IL1RN: variants seen among roughly 807,000 people sequenced by gnomAD.
The protein encoded by IL1RN is interleukin 1 receptor antagonist, also known as interleukin-1 receptor antagonist protein.
Under a neutral mutation model 13.7 loss-of-function variants are expected in IL1RN, and 10 were observed. The observed-to-expected ratio is 0.73, with a 90% CI of 0.45 to 1.24. The LOEUF (loss-of-function observed/expected upper bound fraction) is 1.24. Ranked by LOEUF, IL1RN falls within the 50% of genes most tolerant of loss-of-function variation. The pLI, the probability that IL1RN is intolerant of heterozygous loss-of-function variation, is 0.00. For missense variants in IL1RN, 213 were observed against 222.1 expected (o/e 0.96, Z 0.26); for synonymous variants, 102 against 82.7 (o/e 1.23, Z -1.27).
At chr2:113,105,786 A>G (rs1285921144), upstream of IL1RN, among the ~76,000 whole-genome samples, 1 of 152,198 alleles carries the variant, frequency 6.6e-6, no homozygotes, top group Non-Finnish European at 1.5e-5. Context: ...CATTGAGGTT[A>G]CCTCTAATGT....
At position 113,133,202 on chromosome 2, in the gene IL1RN, C is replaced by T; in HGVS notation, c.*331C>T. ...CTCTTGCCACTGCCTCTTCCTCCCT[C>T]ATTCCACCTTCCCATGCCCTGGATC... On this transcript the variant is annotated 3_prime_UTR_variant, in exon 4 of 4. Transcript: ENST00000409930. 1 of 422,286 alleles carries T rather than the reference C, an allele frequency of 2.4e-6. No homozygotes were observed. The highest frequency in any genetic ancestry group is 2.1e-5 in the South Asian group (1 of 47,392). 26.2% of individuals were successfully genotyped at this position (422,286 alleles called of 1,614,324 possible).
chr2:113,100,453 A>G, the IL1RN span, among the ~76,000 whole-genome samples: 1 of 152,146 alleles, frequency 6.6e-6, no homozygotes, highest in Non-Finnish European at 1.5e-5. Context: ...CAAGGGGAGG[A>G]CAGGAGTCTG....
chr2:113,132,739 C>G lies in IL1RN; in HGVS notation c.402C>G (p.Thr134=). 6.2e-7 allele frequency: 1 copy of G among 1,614,262 alleles called. No individual in the cohort carries two copies. The highest frequency in any genetic ancestry group is 8.5e-7 in the Non-Finnish European group (1 of 1,180,044). The change falls in exon 4 of 4, where the codon ACC becomes ACG. Residue 134 remains threonine, a synonymous_variant. Transcript: ENST00000409930. ...TCCGCTCAGACAGTGGCCCCACCAC[C>G]AGTTTTGAGTCTGCCGCCTGCCCCG... The part of the protein sequence containing the change: ...AFIRSDSGPT[T]SFESAACPGW...
rs1687148428 is a variant in IL1RN, at chr2:113,131,026, C to T, written c.206-19C>T. On this transcript the variant is annotated intron_variant, in intron 2 of 3. Coordinates refer to ENST00000409930, the MANE Select transcript of IL1RN (RefSeq NM_173842.3). ...CTTCCTCTTCTATTAACCTGACCCTCCCCTCTGTTCTTCCCCAGAAAAGAT... is the reference window on the plus strand; with the variant it reads ...CTTCCTCTTCTATTAACCTGACCCTTCCCTCTGTTCTTCCCCAGAAAAGAT... 2.7e-6 allele frequency: 4 copies of T among 1,458,122 alleles called. No homozygotes were observed. The highest frequency in any genetic ancestry group is 3.9e-6 in the Non-Finnish European group (4 of 1,037,490). 90.3% of individuals were successfully genotyped at this position (1,458,122 alleles called of 1,614,324 possible). A position where few individuals can be genotyped will look rare whatever the true frequency, so the allele number is the denominator to read the frequency against.
In IL1RN at chr2:113,127,608, C is replaced by A; in HGVS notation, c.-17C>A. On this transcript the variant is annotated 5_prime_UTR_variant, in exon 1 of 4. Transcript: ENST00000409930. The stretch of plus-strand genomic sequence containing the variant: ...TGGGCCCGCAATGGCAGTCCACTGC[C>A]TTGCTGCAGTCACAGAATGGAAATC... The A allele has an allele frequency of 1.2e-6, 2 of 1,613,604 alleles. No individual in the cohort carries two copies. Among genetic ancestry groups the A allele is most frequent in the Non-Finnish European group, 1.7e-6 (2 of 1,179,828 alleles).
chr2:113,121,602 C>A, intron 2 of IL1RN: 1 of 985,416 alleles, frequency 1.0e-6, no homozygotes, highest in South Asian at 4.7e-5. Context: ...GGCTCTGAAC[C>A]TCAGAAAGGA....
At chr2:113,122,195 C>T (rs1224851473) in intron 2 of IL1RN, among the ~76,000 whole-genome samples, 3 of 152,184 alleles carry the variant, frequency 2.0e-5, no homozygotes, top group Non-Finnish European at 4.4e-5. Context: ...TTGCGTGACA[C>T]AAATGCAGTT....
In IL1RN at chr2:113,132,257, G is replaced by C. The variant is rs531857439; in HGVS notation, c.319-399G>C. ...AGGTCAGGAGTTTGAGACCAGCCTG[G>C]CCAACATGGTGAAACCCTGTCTCTA... On this transcript the variant is annotated intron_variant, in intron 3 of 3. Coordinates refer to ENST00000409930, the MANE Select transcript of IL1RN (RefSeq NM_173842.3). Among the ~76,000 whole-genome samples, 6 of 152,326 alleles carry C rather than the reference G, an allele frequency of 3.9e-5. No individual in the cohort carries two copies. The South Asian group carries it at 1.2e-3, about 32-fold the overall frequency.
chr2:113,099,837 C>T, the IL1RN span, among the ~76,000 whole-genome samples: 5 of 145,508 alleles, frequency 3.4e-5, no homozygotes, highest in Non-Finnish European at 7.6e-5. Flanking sequence ...CGGGTTCACG[C>T]CCTTCTCCTG....
upstream of IL1RN, among the ~76,000 whole-genome samples, chr2:113,113,673 A>C (rs577840145): frequency 6.6e-6 from 1 of 152,328 alleles, no homozygotes; most frequent in African/African-American, 2.4e-5. Context: ...TGATGGTTTC[A>C]TGAGAGTATA....
upstream of IL1RN, among the ~76,000 whole-genome samples, chr2:113,126,882 A>G (rs376142362): frequency 2.4e-4 from 36 of 152,242 alleles, no homozygotes; most frequent in South Asian, 2.1e-4. Flanking sequence ...TCCCGAGACC[A>G]TAACTTTAAA....
upstream of IL1RN, among the ~76,000 whole-genome samples, chr2:113,122,904 T>C (rs1183173705): frequency 6.6e-6 from 1 of 152,174 alleles, no homozygotes; most frequent in Non-Finnish European, 1.5e-5. Flanking sequence ...GATGGGTGGA[T>C]CACCTGAGGT....
the IL1RN span, among the ~76,000 whole-genome samples, chr2:113,100,206 G>A: frequency 6.6e-6 from 1 of 151,286 alleles, no homozygotes; most frequent in East Asian, 2.0e-4. Context: ...GGCGCCTGTA[G>A]TGCCAGCTAC....
At chr2:113,106,594 T>G (rs1686391030), upstream of IL1RN, among the ~76,000 whole-genome samples, 1 of 152,084 alleles carries the variant, frequency 6.6e-6, no homozygotes, top group Non-Finnish European at 1.5e-5. Flanking sequence ...TATAAATAAC[T>G]TAATGTGGCC....
chr2:113,123,459 A>G (rs1440134189), upstream of IL1RN, among the ~76,000 whole-genome samples: 3 of 152,152 alleles, frequency 2.0e-5, no homozygotes, highest in Admixed American at 1.3e-4. Flanking sequence ...TCCCCACCCA[A>G]TTTGGAAATC....
chr2:113,103,362 TAGAA>T (rs552363196), upstream of IL1RN, among the ~76,000 whole-genome samples: 125 of 151,836 alleles, frequency 8.2e-4, 1 homozygote, highest in Non-Finnish European at 1.4e-3. Context: ...GATCTCAAGA[TAGAA>T]AGACTCTCCT....
At chr2:113,125,286 A>T (rs184486732), upstream of IL1RN, among the ~76,000 whole-genome samples, 2 of 152,380 alleles carry the variant, frequency 1.3e-5, no homozygotes. Flanking sequence ...GGAAGAGGCA[A>T]ATAAGTAGAC....
rs772487664 is a variant in IL1RN at position 113,132,885 on chromosome 2, T to A, written c.*14T>A. 6.2e-7 allele frequency: 1 copy of A among 1,611,912 alleles called. No individual in the cohort carries two copies. The highest frequency in any genetic ancestry group is 1.1e-5 in the South Asian group (1 of 91,014). On this transcript the variant is annotated 3_prime_UTR_variant, in exon 4 of 4. Coordinates refer to ENST00000409930, the MANE Select transcript of IL1RN (RefSeq NM_173842.3). The stretch of plus-strand genomic sequence containing the variant: ...GAGGACGAGTAGTACTGCCCAGGCC[T>A]GCCTGTTCCCATTCTTGCATGGCAA...
At chr2:113,108,354 C>T (rs1247529701), upstream of IL1RN, among the ~76,000 whole-genome samples, 2 of 151,948 alleles carry the variant, frequency 1.3e-5, no homozygotes, top group Non-Finnish European at 2.9e-5. Context: ...TGGTGTGCTG[C>T]ACCCATTAAC....
Sources: gnomAD v4.1 joint callset for allele counts (sites outside exome capture counted in the v4.1 genomes callset) on GRCh38, gnomAD v4.1.1 for gene constraint, MANE v1.5 for transcripts, NCBI Gene and HGNC (gene_info 2026-07-23, HGNC 2026-07-21) for gene names.